The following OASL variants were observed in gnomAD, a reference collection of about 807,000 sequenced individuals.
OASL encodes the protein 2'-5'-oligoadenylate synthase-like protein.
OASL carries 28 observed loss-of-function variants against 35.3 expected under a neutral mutation model. That is an observed-to-expected ratio of 0.79 (90% CI 0.59 to 1.09). OASL has a LOEUF of 1.09. Among genes scored for constraint, OASL ranks in the 50% least tolerant of loss-of-function variants. The pLI is 0.00. For synonymous variants in OASL, 252 were observed against 254.6 expected (o/e 0.99, Z 0.10); for missense variants, 620 against 635.2 (o/e 0.98, Z 0.26).
exon 4 of OASL, chr12:121,027,792 G>T: frequency 6.2e-7 from 1 of 1,613,984 alleles, no homozygotes; most frequent in South Asian, 1.1e-5. Context: ...GGGCAGATTG[G>T]CTCTGGGGGA....
At chr12:121,023,827 A>C (rs1869357862) in intron 5 of OASL, 163 bp downstream of exon 5, 2 of 687,208 alleles carry the variant, frequency 2.9e-6, no homozygotes, top group South Asian at 5.4e-5. Flanking sequence ...AGAGCCAAAG[A>C]ATTTGTCCAA....
exon 6 of OASL, chr12:121,020,378 T>A: frequency 1.6e-6 from 1 of 612,868 alleles, no homozygotes; most frequent in Non-Finnish European, 2.8e-6. Flanking sequence ...CAAGCGCTCC[T>A]CCCACCTCGG....
chr12:121,038,851 C>T, exon 1 of OASL: 2 of 1,614,154 alleles, frequency 1.2e-6, no homozygotes, highest in Non-Finnish European at 1.7e-6. Flanking sequence ...AGAAACTCCT[C>T]CACGGTCCGC....
At chr12:121,030,949 A>G (rs1384567266) in intron 3 of OASL, among the ~76,000 whole-genome samples, 2 of 151,994 alleles carry the variant, frequency 1.3e-5, no homozygotes, top group East Asian at 3.9e-4. Context: ...GCTGGTCAAC[A>G]TAGTGAGACC....
intron 4 of OASL, among the ~76,000 whole-genome samples, chr12:121,024,439 A>G (rs1869395893): frequency 6.6e-6 from 1 of 152,104 alleles, no homozygotes; most frequent in Non-Finnish European, 1.5e-5. Context: ...CAACGTGGTG[A>G]AACCCTGTCT....
At chr12:121,028,892 C>A (rs888895573) in intron 3 of OASL, among the ~76,000 whole-genome samples, 1 of 151,758 alleles carries the variant, frequency 6.6e-6, no homozygotes, top group Non-Finnish European at 1.5e-5. Flanking sequence ...TGGTGAAACC[C>A]CGTCTCTACT....
exon 3 of OASL, chr12:121,031,603 T>C (rs1869738576): frequency 6.2e-7 from 1 of 1,613,078 alleles, no homozygotes; most frequent in African/African-American, 1.3e-5. Flanking sequence ...GGCTGGGAGT[T>C]GGGAAGAGAA....
exon 6 of OASL, chr12:121,020,663 T>C (rs766214567): frequency 1.2e-6 from 2 of 1,614,118 alleles, no homozygotes; most frequent in African/African-American, 2.7e-5. Context: ...CCTGCAGGAC[T>C]TGGCCTTGGA....
Position 121,020,512 on chromosome 12 carries a change from A to C in OASL, c.*49T>G. On this transcript the variant is annotated 3_prime_UTR_variant, in exon 6 of 6. Transcript: ENST00000257570. ...ATGGGACAGAGTGATTGACAGGATGAGTTCTGGAGTACATGGCAGAAATGT... is the reference window on the plus strand; with the variant it reads ...ATGGGACAGAGTGATTGACAGGATGCGTTCTGGAGTACATGGCAGAAATGT... 4 of 1,527,984 alleles carry C rather than the reference A, an allele frequency of 2.6e-6. No individual in the cohort carries two copies. In the South Asian group the frequency reaches 3.8e-5, roughly 15 times the overall value. The allele number at this position is 1,527,984 out of a possible 1,614,324, so 94.7% of individuals were successfully genotyped here.
At chr12:121,026,580 G>A (rs1043503418) in intron 4 of OASL, among the ~76,000 whole-genome samples, 13 of 152,196 alleles carry the variant, frequency 8.5e-5, no homozygotes, top group African/African-American at 2.4e-4. Flanking sequence ...GGCCCAGTGC[G>A]GTGGCTCACG....
chr12:121,036,170 C>T (rs1869950969), intron 1 of OASL, among the ~76,000 whole-genome samples: 1 of 152,108 alleles, frequency 6.6e-6, no homozygotes, highest in African/African-American at 2.4e-5. Flanking sequence ...GCGTAGACTT[C>T]CCTTTCTGCC....
At chr12:121,029,064 G>GAAA (rs10577200) in intron 3 of OASL, among the ~76,000 whole-genome samples, 18 of 105,094 alleles carry the variant, frequency 1.7e-4, no homozygotes, top group African/African-American at 1.8e-4. Flanking sequence ...ACTTGTCTCA[G>GAAA]AAAAAAAAAA....
Position 121,031,567 on chromosome 12 carries a change from T to G in OASL, c.532A>C (p.Ile178Leu), listed in dbSNP as rs113878842. Residue 178 changes from isoleucine to leucine, a missense_variant, in exon 3 of 6, where the codon ATC becomes CTC. Physicochemically the swap from Ile to Leu is conservative, Grantham distance 5 (BLOSUM62 2). Transcript: ENST00000257570. ...TTTCCAGGACCACCGCAGGCCTTGA[T>G]CAGGCTCACATAGACCTCAGGGGGT... 6.2e-6 allele frequency: 10 copies of G among 1,614,090 alleles called. No homozygotes were observed. The African/African-American group carries it at 6.7e-5, about 11-fold the overall frequency.
chr12:121,028,971 G>A (rs551284946), intron 3 of OASL, among the ~76,000 whole-genome samples: 23 of 151,112 alleles, frequency 1.5e-4, no homozygotes, highest in South Asian at 4.2e-4. Flanking sequence ...AGGCTGAGGC[G>A]GGAGAATCGC....
Position 121,033,444 on chromosome 12 carries a change from G to A in OASL, c.481+17C>T, listed in dbSNP as rs771807518. 32 of 1,601,382 alleles carry A rather than the reference G, an allele frequency of 2.0e-5. No individual in the cohort carries two copies. The highest frequency in any genetic ancestry group is 1.3e-4 in the East Asian group (6 of 44,500). ...GTGGGCAAGTGTGTGAGTCGGGTGA[G>A]CTTCCCCTCCCCTTACCCAGGGCTC... On this transcript the variant is annotated intron_variant, in intron 2 of 5. Coordinates refer to ENST00000257570, the Ensembl canonical transcript of OASL.
downstream of OASL, among the ~76,000 whole-genome samples, chr12:121,017,775 C>A (rs924023387): frequency 1.3e-5 from 2 of 152,108 alleles, no homozygotes; most frequent in Non-Finnish European, 2.9e-5. Flanking sequence ...CAAAATAAAG[C>A]GTTTATTCCA....
intron 3 of OASL, among the ~76,000 whole-genome samples, chr12:121,028,834 G>A (rs1393572987): frequency 1.3e-5 from 2 of 152,128 alleles, no homozygotes; most frequent in African/African-American, 2.4e-5. Context: ...GGAGGCCGAG[G>A]CGGGTGGATC....
At chr12:121,028,195 A>G (rs1869570979) in intron 3 of OASL, among the ~76,000 whole-genome samples, 2 of 152,214 alleles carry the variant, frequency 1.3e-5, no homozygotes, top group South Asian at 4.1e-4. Flanking sequence ...GATAGAGGGA[A>G]AAAATGGTAA....
rs183721639 is a variant in OASL, at chr12:121,031,912, C to T, written c.482-295G>A. Among the ~76,000 whole-genome samples, 24 of 151,776 alleles carry T rather than the reference C, an allele frequency of 1.6e-4. 1 individual carries two copies. Among genetic ancestry groups the T allele is most frequent in the Admixed American group, 1.4e-3 (21 of 15,242 alleles). The stretch of plus-strand genomic sequence containing the variant: ...TCTCTTTCAATACTCATAGGGAGGC[C>T]GGGTGTGGTGGCTTAAGCCTGTAAT... On this transcript the variant is annotated intron_variant, in intron 2 of 5. Coordinates refer to ENST00000257570, the Ensembl canonical transcript of OASL.
Sources: allele counts gnomAD v4.1 joint callset (sites outside exome capture counted in the v4.1 genomes callset), GRCh38; gene constraint gnomAD v4.1.1; transcripts MANE v1.5; gene names NCBI Gene and HGNC (gene_info 2026-07-23, HGNC 2026-07-21).